Variants in EMC2 observed in about 807,000 individuals in gnomAD.
The protein encoded by EMC2 is TPR repeat protein 35.
In EMC2, 37 loss-of-function variants were observed where a neutral mutation model predicts 51.6. That is an observed-to-expected ratio of 0.72 (90% CI 0.55 to 0.94). EMC2 has a LOEUF of 0.94. Ranked by LOEUF, EMC2 falls within the 40% of genes least tolerant of loss-of-function variation. EMC2 has a pLI of 0.00. For missense variants in EMC2, 359 were observed against 350.9 expected, an observed-to-expected ratio of 1.02 and a Z score of -0.18; for synonymous variants, 131 against 112.4, an observed-to-expected ratio of 1.17 and a Z score of -1.04.
chr8:108,482,368 TCTTA>T (rs1811058286), intron 10 of EMC2, among the ~76,000 whole-genome samples: 1 of 151,996 alleles, frequency 6.6e-6, no homozygotes, highest in Non-Finnish European at 1.5e-5. Context: ...ATGTATAACT[TCTTA>T]CTTTTTTGCT....
chr8:108,486,472 A>G, intron 10 of EMC2, 40 bp from the exon 11 acceptor site: 1 of 1,486,450 alleles, frequency 6.7e-7, no homozygotes, highest in East Asian at 2.5e-5. Flanking sequence ...TGCCACTGAA[A>G]TTGAGCCTAA....
At chr8:108,468,621 A>T (rs1810786581) in intron 5 of EMC2, among the ~76,000 whole-genome samples, 1 of 152,018 alleles carries the variant, frequency 6.6e-6, no homozygotes, top group Admixed American at 6.6e-5. Context: ...TCACTCTCTT[A>T]CCACCCCGTA....
At chr8:108,460,264 A>G (rs1819284892) in intron 5 of EMC2, among the ~76,000 whole-genome samples, 1 of 152,206 alleles carries the variant, frequency 6.6e-6, no homozygotes, top group South Asian at 2.1e-4. Context: ...AAGTTATTTC[A>G]CTTCTTCAGA....
chr8:108,450,895 A>G (rs544155847), intron 3 of EMC2, among the ~76,000 whole-genome samples: 30 of 152,224 alleles, frequency 2.0e-4, no homozygotes, highest in Non-Finnish European at 4.0e-4. Flanking sequence ...CGTATAGAAC[A>G]TAACATAAAA....
intron 1 of EMC2, among the ~76,000 whole-genome samples, chr8:108,445,283 A>G (rs1045548979): frequency 2.0e-5 from 3 of 152,236 alleles, no homozygotes; most frequent in Non-Finnish European, 2.9e-5. Flanking sequence ...ACTATTAGCT[A>G]GTGCTAATAT....
At chr8:108,481,883 C>T (rs1309208024) in intron 10 of EMC2, among the ~76,000 whole-genome samples, 3 of 152,048 alleles carry the variant, frequency 2.0e-5, no homozygotes, top group Non-Finnish European at 4.4e-5. Context: ...GTAGTTCATT[C>T]ATTTTCTTCT....
intron 1 of EMC2, among the ~76,000 whole-genome samples, chr8:108,444,502 A>T (rs1818830834): frequency 6.6e-6 from 1 of 152,080 alleles, no homozygotes; most frequent in Non-Finnish European, 1.5e-5. Flanking sequence ...GTGTAATTGG[A>T]ATTCATATTC....
chr8:108,455,734 G>A (rs768491637), intron 4 of EMC2, 139 bp from the exon 5 acceptor site: 11 of 364,838 alleles, frequency 3.0e-5, no homozygotes, highest in East Asian at 5.0e-5. Flanking sequence ...CTTCGGTAAC[G>A]ATTATAAATG....
In EMC2 at chr8:108,457,331, C is replaced by CGTGTGTGTGTGT. The variant is rs56319322; in HGVS notation, c.363+1432_363+1443dup. On this transcript the variant is annotated intron_variant, in intron 5 of 10. Transcript: ENST00000220853. ...TTGTGTAGGGATGTGCGTGTGTGTG[C>CGTGTGTGTGTGT]GTGTGTGTGTGTGTGTGTGTGTGTG... 3.5e-4 allele frequency among the ~76,000 whole-genome samples: 45 copies of CGTGTGTGTGTGT among 128,074 alleles called. 1 individual carries two copies. The highest frequency in any genetic ancestry group is 1.1e-3 in the African/African-American group (41 of 35,804). The allele number at this position is 128,074 out of a possible 152,430, so 84.0% of individuals were successfully genotyped here.
At chr8:108,471,435 A>G (rs1229846216) in intron 7 of EMC2, among the ~76,000 whole-genome samples, 2 of 151,950 alleles carry the variant, frequency 1.3e-5, no homozygotes, top group East Asian at 3.8e-4. Flanking sequence ...GGAATACCTA[A>G]TGCAGAAAAT....
At chr8:108,475,174 T>A (rs1228254640) in intron 7 of EMC2, 1 of 151,922 alleles carries the variant, frequency 6.6e-6, no homozygotes, top group Non-Finnish European at 1.5e-5. Flanking sequence ...ATTAAACGTT[T>A]AAAATATATT....
chr8:108,470,040 T>C (rs1264341782), intron 6 of EMC2, 22 bp from the exon 7 acceptor site: 1 of 1,609,300 alleles, frequency 6.2e-7, no homozygotes, highest in Non-Finnish European at 8.5e-7. Flanking sequence ...ACACTTACTT[T>C]TTTTTCTTTT....
At chr8:108,464,165 C>T (rs140657038) in intron 5 of EMC2, 9 of 152,334 alleles carry the variant, frequency 5.9e-5, no homozygotes, top group Admixed American at 2.0e-4. Flanking sequence ...ACAGTTAACA[C>T]TCAGCCAGTT....
intron 5 of EMC2, among the ~76,000 whole-genome samples, chr8:108,457,426 A>T (rs11782390): frequency 6.6e-6 from 1 of 151,138 alleles, no homozygotes; most frequent in African/African-American, 2.4e-5. Flanking sequence ...TTTTCATGCT[A>T]CTGATAAAGA....
chr8:108,466,628 AT>A (rs1296082916), intron 5 of EMC2, among the ~76,000 whole-genome samples: 1 of 151,372 alleles, frequency 6.6e-6, no homozygotes, highest in Non-Finnish European at 1.5e-5. Context: ...ATCTTTTAAA[AT>A]TTTTCGTAGA....
chr8:108,469,445 A>AT (rs984724715), intron 5 of EMC2, among the ~76,000 whole-genome samples: 2 of 151,962 alleles, frequency 1.3e-5, no homozygotes, highest in South Asian at 4.2e-4. Flanking sequence ...CCATGGTGAG[A>AT]TTTTTTTTCC....
At chr8:108,483,703 G>T (rs999986243) in intron 10 of EMC2, among the ~76,000 whole-genome samples, 11 of 152,056 alleles carry the variant, frequency 7.2e-5, no homozygotes, top group Non-Finnish European at 1.5e-4. Context: ...TTGTTTGGTT[G>T]TTTTTGTGTT....
At chr8:108,462,476 G>T (rs187743940) in intron 5 of EMC2, among the ~76,000 whole-genome samples, 2 of 152,150 alleles carry the variant, frequency 1.3e-5, no homozygotes, top group East Asian at 3.9e-4. Flanking sequence ...GGATGTCATT[G>T]GTGGGATGAA....
rs1336796042 is a variant in EMC2 at position 108,487,085 on chromosome 8, AT to A, written c.*489del. Reference sequence around the variant, plus strand: ...ATTGTCGAATTGGATTTTGCTGTACATTCCAGTGGGCTATTTGAATTGTTTT... The same window carrying A: ...ATTGTCGAATTGGATTTTGCTGTACATCCAGTGGGCTATTTGAATTGTTTT... On this transcript the variant is annotated 3_prime_UTR_variant, in exon 11 of 11. Transcript: ENST00000220853. Among the ~76,000 whole-genome samples the A allele has an allele frequency of 1.3e-5, 2 of 152,100 alleles. No individual in the cohort carries two copies. Among genetic ancestry groups the A allele is most frequent in the Non-Finnish European group, 2.9e-5 (2 of 67,944 alleles).
Sources: allele counts gnomAD v4.1 joint callset (sites outside exome capture counted in the v4.1 genomes callset), GRCh38; gene constraint gnomAD v4.1.1; transcripts MANE v1.5; gene names NCBI Gene and HGNC (gene_info 2026-07-23, HGNC 2026-07-21).